Variants in SLIT3 observed in about 807,000 individuals in gnomAD.
SLIT3 encodes the protein slit guidance ligand 3.
Under a neutral mutation model 184.0 loss-of-function variants are expected in SLIT3, and 68 were observed. The observed-to-expected ratio is 0.37, with a 90% CI of 0.30 to 0.45. The LOEUF is 0.45. SLIT3 is among the 20% of genes least tolerant of loss of function. The pLI, the probability that SLIT3 is intolerant of heterozygous loss-of-function variation, is 1.00. For synonymous variants in SLIT3, 831 were observed against 828.6 expected, an observed-to-expected ratio of 1.00 and a Z score of -0.05; for missense variants, 1,707 against 2,026.0, an observed-to-expected ratio of 0.84 and a Z score of 3.02.
intron 4 of SLIT3, among the ~76,000 whole-genome samples, chr5:169,095,057 G>C (rs1386717533): frequency 2.0e-5 from 3 of 152,212 alleles, no homozygotes; most frequent in Non-Finnish European, 4.4e-5. Context: ...CTAACAGCTA[G>C]TCAAAGACAT....
At chr5:168,760,838 G>A (rs1323862280) in intron 16 of SLIT3, 24 bp downstream of exon 16, 2 of 1,584,932 alleles carry the variant, frequency 1.3e-6, no homozygotes, top group Admixed American at 3.3e-5. Context: ...AGAGGCTGCT[G>A]CCAAGTTCCT....
chr5:169,049,589 A>G (rs1051092836), intron 4 of SLIT3, among the ~76,000 whole-genome samples: 22 of 152,252 alleles, frequency 1.4e-4, no homozygotes, highest in Admixed American at 1.4e-3. Flanking sequence ...AGTCAGGAAC[A>G]GAACATCAGA....
chr5:169,299,737 A>G (rs562255889), intron 1 of SLIT3, among the ~76,000 whole-genome samples: 1 of 152,214 alleles, frequency 6.6e-6, no homozygotes, highest in South Asian at 2.1e-4. Flanking sequence ...GGGTCAATCC[A>G]CCCCATTCTC....
chr5:168,713,823 GT>G (rs1332481822), intron 23 of SLIT3, among the ~76,000 whole-genome samples: 2 of 152,228 alleles, frequency 1.3e-5, no homozygotes, highest in African/African-American at 4.8e-5. Flanking sequence ...TTCTGATTCA[GT>G]GGGTCTGAGG....
intron 4 of SLIT3, among the ~76,000 whole-genome samples, chr5:169,007,376 A>G (rs989113017): frequency 1.3e-5 from 2 of 152,226 alleles, no homozygotes; most frequent in African/African-American, 4.8e-5. Context: ...TGACTCATTG[A>G]CAATTCCAGG....
rs1324720274 is a variant in SLIT3, at chr5:169,137,333, C to CAGAGAGAGAG, written c.413+56145_413+56146insCTCTCTCTCT. ...ACACACACACACACACACACACACA[C>CAGAGAGAGAG]ACAGAGAGAGAGAGAGAGAGAGAAA... On this transcript the variant is annotated intron_variant, in intron 4 of 35. Transcript: ENST00000519560. Among the ~76,000 whole-genome samples, 1,107 of 129,324 alleles carry CAGAGAGAGAG rather than the reference C, an allele frequency of 8.6e-3. 6 individuals are homozygous for CAGAGAGAGAG. Among genetic ancestry groups the CAGAGAGAGAG allele is most frequent in the East Asian group, 0.039 (109 of 2,830 alleles). 84.8% of individuals were successfully genotyped at this position (129,324 alleles called of 152,430 possible). A position where few individuals can be genotyped will look rare whatever the true frequency, so the allele number is the denominator to read the frequency against.
intron 4 of SLIT3, among the ~76,000 whole-genome samples, chr5:168,960,467 T>C (rs924882535): frequency 2.6e-5 from 4 of 152,234 alleles, no homozygotes; most frequent in Non-Finnish European, 5.9e-5. Context: ...CTCCTTTACA[T>C]GCAGAGGAAG....
chr5:169,154,863 GTTC>G (rs1762247018), intron 4 of SLIT3, among the ~76,000 whole-genome samples: 1 of 152,176 alleles, frequency 6.6e-6, no homozygotes, highest in South Asian at 2.1e-4. Flanking sequence ...TCAGCAGAAC[GTTC>G]TTCTTGAATG....
At chr5:169,114,590 G>T (rs993791438) in intron 4 of SLIT3, among the ~76,000 whole-genome samples, 3 of 152,208 alleles carry the variant, frequency 2.0e-5, no homozygotes, top group Non-Finnish European at 4.4e-5. Context: ...TAGGGCCAGG[G>T]TGTCCTGGTG....
chr5:168,676,511 G>A (rs1199060066), intron 32 of SLIT3, among the ~76,000 whole-genome samples: 1 of 152,220 alleles, frequency 6.6e-6, no homozygotes, highest in African/African-American at 2.4e-5. Flanking sequence ...CAAGTTGCAA[G>A]CTGAGGGCAA....
chr5:169,190,368 C>T (rs80047796), intron 4 of SLIT3, among the ~76,000 whole-genome samples: 4,293 of 152,268 alleles, frequency 0.028, 88 homozygotes, highest in South Asian at 0.1. Context: ...ATGACATCAC[C>T]AAGCCCCTGG....
chr5:169,296,329 T>C (rs112603434), intron 1 of SLIT3, among the ~76,000 whole-genome samples: 2 of 152,174 alleles, frequency 1.3e-5, no homozygotes, highest in African/African-American at 4.8e-5. Context: ...CTATAACCAC[T>C]AAGAAAACCA....
intron 4 of SLIT3, among the ~76,000 whole-genome samples, chr5:169,065,184 G>C (rs1017630798): frequency 1.3e-5 from 2 of 152,188 alleles, no homozygotes; most frequent in African/African-American, 4.8e-5. Flanking sequence ...TCTTAGATGT[G>C]CATATAAAGT....
At chr5:169,078,864 G>C (rs1249715644) in intron 4 of SLIT3, among the ~76,000 whole-genome samples, 1 of 152,180 alleles carries the variant, frequency 6.6e-6, no homozygotes, top group Non-Finnish European at 1.5e-5. Flanking sequence ...CTGTAGTCTA[G>C]GAAATATTCC....
chr5:168,739,612 G>A (rs1436273906), intron 20 of SLIT3, among the ~76,000 whole-genome samples: 4 of 151,574 alleles, frequency 2.6e-5, no homozygotes, highest in East Asian at 3.9e-4. Context: ...CCACAACCAC[G>A]TCTGGCAAAT....
At chr5:168,687,177 T>G in intron 29 of SLIT3, 61 bp from the exon 30 acceptor site, 1 of 1,590,070 alleles carries the variant, frequency 6.3e-7, no homozygotes, top group South Asian at 1.1e-5. Flanking sequence ...AGGCAGTCAC[T>G]CTCCAGCCCC....
intron 16 of SLIT3, among the ~76,000 whole-genome samples, chr5:168,754,334 C>T (rs1241091971): frequency 1.3e-5 from 2 of 152,176 alleles, no homozygotes; most frequent in Non-Finnish European, 2.9e-5. Flanking sequence ...CTGTCATTTG[C>T]AGCAACATGA....
chr5:168,767,175 T>C (rs1755374293), intron 14 of SLIT3, among the ~76,000 whole-genome samples: 1 of 152,196 alleles, frequency 6.6e-6, no homozygotes, highest in Non-Finnish European at 1.5e-5. Context: ...AAAAAACTAC[T>C]AAGCAATGGT....
intron 3 of SLIT3, among the ~76,000 whole-genome samples, chr5:169,218,863 G>T (rs1465278442): frequency 2.0e-5 from 3 of 152,154 alleles, no homozygotes; most frequent in African/African-American, 7.2e-5. Context: ...TTTAAAAAGG[G>T]ATACAACTGG....
Sources: gnomAD v4.1 joint callset for allele counts (sites outside exome capture counted in the v4.1 genomes callset) on GRCh38, gnomAD v4.1.1 for gene constraint, MANE v1.5 for transcripts, NCBI Gene and HGNC (gene_info 2026-07-23, HGNC 2026-07-21) for gene names.